The following VGLL4 variants were observed in gnomAD, a reference collection of about 807,000 sequenced individuals.
VGLL4 encodes vestigial like family member 4, also known as transcription cofactor vestigial-like protein 4.
In VGLL4, 7 loss-of-function variants were observed where a neutral mutation model predicts 21.0. The observed-to-expected ratio is 0.33, with a 90% CI of 0.19 to 0.63. The LOEUF (loss-of-function observed/expected upper bound fraction) is 0.63. VGLL4 is among the 20% of genes least tolerant of loss of function. The pLI is 0.78. For synonymous variants in VGLL4, 222 were observed against 173.2 expected, an observed-to-expected ratio of 1.28 and a Z score of -2.21; for missense variants, 394 against 425.7, an observed-to-expected ratio of 0.93 and a Z score of 0.66.
intron 2 of VGLL4, among the ~76,000 whole-genome samples, chr3:11,601,339 CA>C (rs1306258482): frequency 1.3e-5 from 2 of 152,136 alleles, no homozygotes; most frequent in African/African-American, 4.8e-5. Flanking sequence ...AAGTTTGTAC[CA>C]GGGGCACATA....
chr3:11,579,015 T>C (rs148165127), intron 2 of VGLL4, among the ~76,000 whole-genome samples: 2,766 of 152,226 alleles, frequency 0.018, 83 homozygotes, highest in African/African-American at 0.062. Context: ...CCCAAAGTGC[T>C]GGGATTACAG....
In VGLL4 at chr3:11,558,009, GTT is replaced by G. The variant is rs2072598627; in HGVS notation, c.*545_*546del. The G allele has an allele frequency of 6.4e-6, 1 of 155,670 alleles. No homozygotes were observed. The highest frequency in any genetic ancestry group is 6.3e-5 in the Admixed American group (1 of 16,000). 9.6% of individuals were successfully genotyped at this position (155,670 alleles called of 1,614,324 possible). ...TCCTTAAACCCTTTGTTTTTCAGCA[GTT>G]TGCCCTCAGAGTTCTGGCATAACAC... is the stretch of plus-strand genomic sequence containing the variant. On this transcript the variant is annotated 3_prime_UTR_variant, in exon 5 of 5. Transcript: ENST00000430365.
intron 2 of VGLL4, among the ~76,000 whole-genome samples, chr3:11,668,867 T>C (rs2076164442): frequency 6.6e-6 from 1 of 151,970 alleles, no homozygotes; most frequent in Non-Finnish European, 1.5e-5. Context: ...ACCTGTGTTC[T>C]ACTCACACTG....
In VGLL4 at chr3:11,558,544, G is replaced by A; in HGVS notation, c.*12C>T. The A allele has an allele frequency of 6.3e-7, 1 of 1,597,968 alleles. No individual in the cohort carries two copies. Among genetic ancestry groups the A allele is most frequent in the East Asian group, 2.2e-5 (1 of 44,750 alleles). ...CATGCAGATCCACGTGTTGTTGGAG[G>A]AGGCGCTCCCTTCAGGAGACCACAG... On this transcript the variant is annotated 3_prime_UTR_variant, in exon 5 of 5. Coordinates refer to ENST00000430365, the MANE Select transcript of VGLL4 (RefSeq NM_001128219.3).
chr3:11,564,100 T>C (rs1422840717), intron 3 of VGLL4, among the ~76,000 whole-genome samples: 1 of 152,236 alleles, frequency 6.6e-6, no homozygotes. Flanking sequence ...TCGCAGTCCC[T>C]GGAGATTCGG....
chr3:11,620,158 C>G (rs2075237824), intron 1 of VGLL4, among the ~76,000 whole-genome samples: 1 of 152,194 alleles, frequency 6.6e-6, no homozygotes, highest in Non-Finnish European at 1.5e-5. Flanking sequence ...TAGGCACTAT[C>G]ATTAGTTTCA....
At chr3:11,670,701 C>A (rs1181219142) in intron 2 of VGLL4, among the ~76,000 whole-genome samples, 1 of 152,030 alleles carries the variant, frequency 6.6e-6, no homozygotes, top group East Asian at 1.9e-4. Flanking sequence ...GATTGAGAGA[C>A]CAGTATCCTG....
intron 2 of VGLL4, among the ~76,000 whole-genome samples, chr3:11,657,041 T>C (rs1211613859): frequency 1.3e-5 from 2 of 152,176 alleles, no homozygotes; most frequent in Non-Finnish European, 2.9e-5. Flanking sequence ...CTGAGCCCTC[T>C]GTACTCTTCA....
At chr3:11,595,823 CT>C (rs1272882140) in intron 2 of VGLL4, among the ~76,000 whole-genome samples, 2 of 19,350 alleles carry the variant, frequency 1.0e-4, no homozygotes, top group African/African-American at 4.4e-4. Context: ...ACATCACACT[CT>C]GGGGACTGTT....
intron 2 of VGLL4, among the ~76,000 whole-genome samples, chr3:11,594,039 G>A (rs1008955925): frequency 2.0e-5 from 3 of 152,206 alleles, no homozygotes; most frequent in Non-Finnish European, 2.9e-5. Context: ...CTGCTCCAAC[G>A]GGAACGTGGG....
At chr3:11,613,708 G>A (rs1309594881) in intron 1 of VGLL4, among the ~76,000 whole-genome samples, 1 of 152,226 alleles carries the variant, frequency 6.6e-6, no homozygotes. Flanking sequence ...CAACTACCGT[G>A]AGGGATTTCT....
intron 2 of VGLL4, among the ~76,000 whole-genome samples, chr3:11,580,020 AT>A (rs998265806): frequency 2.6e-5 from 4 of 151,898 alleles, no homozygotes; most frequent in Admixed American, 6.6e-5. Flanking sequence ...AGTTTTTCAT[AT>A]TTTTTTTACT....
intron 2 of VGLL4, among the ~76,000 whole-genome samples, chr3:11,700,843 C>G (rs984544014): frequency 1.6e-4 from 25 of 152,166 alleles, no homozygotes; most frequent in African/African-American, 6.0e-4. Flanking sequence ...CTGCCTCTCC[C>G]GAGCTCCAAT....
intron 1 of VGLL4, among the ~76,000 whole-genome samples, chr3:11,705,856 G>A (rs1160742333): frequency 6.6e-6 from 1 of 151,882 alleles, no homozygotes; most frequent in Non-Finnish European, 1.5e-5. Flanking sequence ...GCGAGGCGGA[G>A]CTTGCAGTGA....
upstream of VGLL4, chr3:11,643,916 G>A: frequency 2.0e-6 from 2 of 1,011,546 alleles, no homozygotes; most frequent in East Asian, 1.0e-4. Context: ...TGAGGGCTAT[G>A]CTTGGCATGA....
intron 2 of VGLL4, among the ~76,000 whole-genome samples, chr3:11,594,038 C>T (rs186263043): frequency 1.3e-5 from 2 of 152,198 alleles, no homozygotes; most frequent in Admixed American, 6.5e-5. Context: ...CCTGCTCCAA[C>T]GGGAACGTGG....
Position 11,559,352 on chromosome 3 carries a change from C to G in VGLL4, c.599G>C (p.Ser200Thr). 2 of 1,548,966 alleles carry G rather than the reference C, an allele frequency of 1.3e-6. No homozygotes were observed. The highest frequency in any genetic ancestry group is 8.7e-7 in the Non-Finnish European group (1 of 1,145,974). Residue 200 changes from serine to threonine, a missense_variant, in exon 4 of 5, where the codon AGC becomes ACC. Transcript: ENST00000430365. Reference sequence around the variant, plus strand: ...CTCACCGCTCGGTGGCCTCCGGTAGCTGGCAGGCCCGGGCGCGGCACAGCC... The same window carrying G: ...CTCACCGCTCGGTGGCCTCCGGTAGGTGGCAGGCCCGGGCGCGGCACAGCC... ...HSGCAAPGPA[S>T]YRRPPSAATT...
intron 2 of VGLL4, among the ~76,000 whole-genome samples, chr3:11,570,771 C>T (rs2073743555): frequency 6.6e-6 from 1 of 152,170 alleles, no homozygotes; most frequent in Non-Finnish European, 1.5e-5. Context: ...TCCCTTCCTC[C>T]AACTTCTGTT....
At chr3:11,643,335 C>T (rs1426497116) in intron 1 of VGLL4, 102 bp downstream of exon 1, 5 of 1,588,060 alleles carry the variant, frequency 3.1e-6, no homozygotes, top group Non-Finnish European at 4.3e-6. Flanking sequence ...TGCCCTACAC[C>T]CCGGAGGAGG....
Sources: gnomAD v4.1 joint callset for allele counts (sites outside exome capture counted in the v4.1 genomes callset) on GRCh38, gnomAD v4.1.1 for gene constraint, MANE v1.5 for transcripts, NCBI Gene and HGNC (gene_info 2026-07-23, HGNC 2026-07-21) for gene names.